Variants in RNF217 observed in about 807,000 individuals in gnomAD.
RNF217 encodes E3 ubiquitin-protein ligase RNF217.
Under a neutral mutation model 57.8 loss-of-function variants are expected in RNF217, and 31 were observed. The observed-to-expected ratio is 0.54, with a 90% CI of 0.40 to 0.72. RNF217 has a LOEUF of 0.72. Ranked by LOEUF, RNF217 falls within the 30% of genes least tolerant of loss-of-function variation. The probability of loss-of-function intolerance (pLI) is 0.00; values close to 1 mark genes in which losing one functional copy is unlikely to be tolerated. For missense variants in RNF217, 696 were observed against 708.3 expected (o/e 0.98, Z 0.20); for synonymous variants, 313 against 294.0 (o/e 1.06, Z -0.66).
In RNF217 at chr6:125,062,447, C is replaced by T. The variant is rs142734119; in HGVS notation, c.1281+4341C>T. Among the ~76,000 whole-genome samples the T allele has an allele frequency of 2.9e-3, 433 of 151,876 alleles. 3 individuals carry two copies. Among genetic ancestry groups the T allele is most frequent in the African/African-American group, 9.4e-3 (389 of 41,386 alleles). On this transcript the variant is annotated intron_variant, in intron 3 of 5. Coordinates refer to ENST00000521654, the MANE Select transcript of RNF217 (RefSeq NM_001286398.3). ...ACTTACAAGTATGATTTTTATAGTA[C>T]GATAAAAATATACAAACATATCTAG...
chr6:124,980,053 A>G (rs1784104911), intron 1 of RNF217, among the ~76,000 whole-genome samples: 1 of 152,174 alleles, frequency 6.6e-6, no homozygotes, highest in African/African-American at 2.4e-5. Context: ...TGCAGTTTTT[A>G]TCTTTCAAGC....
At chr6:124,987,220 T>C (rs1432704274) in intron 1 of RNF217, among the ~76,000 whole-genome samples, 1 of 152,248 alleles carries the variant, frequency 6.6e-6, no homozygotes, top group Non-Finnish European at 1.5e-5. Flanking sequence ...AAATTCCTTA[T>C]TGAAATATGT....
At chr6:125,030,901 A>G (rs1359182962) in intron 1 of RNF217, among the ~76,000 whole-genome samples, 2 of 152,342 alleles carry the variant, frequency 1.3e-5, no homozygotes, top group African/African-American at 2.4e-5. Flanking sequence ...GCACTGCCCT[A>G]GCAGAGGTTC....
chr6:125,089,251 C>T lies in RNF217; in HGVS notation c.*6314C>T, dbSNP rs556441723. On this transcript the variant is annotated 3_prime_UTR_variant, in exon 6 of 6. Coordinates refer to ENST00000521654, the MANE Select transcript of RNF217 (RefSeq NM_001286398.3). ...GTCTAAAACCAAGCTTCAGAAATTG[C>T]TTCGTGACTGTTGTAAGATCAATAT... 6.6e-6 allele frequency: 1 copy of T among 152,262 alleles called. No homozygotes were observed. Among genetic ancestry groups the T allele is most frequent in the Admixed American group, 6.5e-5 (1 of 15,274 alleles). 9.4% of individuals were successfully genotyped at this position (152,262 alleles called of 1,614,324 possible).
At chr6:125,080,713 A>C (rs1788544771) in intron 4 of RNF217, among the ~76,000 whole-genome samples, 1 of 152,072 alleles carries the variant, frequency 6.6e-6, no homozygotes, top group Admixed American at 6.6e-5. Flanking sequence ...TTATGGCTAG[A>C]GTTTATCATC....
chr6:125,051,306 G>A (rs1212278244), intron 2 of RNF217, among the ~76,000 whole-genome samples: 1 of 151,860 alleles, frequency 6.6e-6, no homozygotes, highest in African/African-American at 2.4e-5. Flanking sequence ...TTAGCACAAT[G>A]AACAAGTGAA....
At chr6:125,002,071 A>G (rs1219345842) in intron 1 of RNF217, among the ~76,000 whole-genome samples, 3 of 152,196 alleles carry the variant, frequency 2.0e-5, no homozygotes, top group African/African-American at 7.2e-5. Context: ...AATGGATGGT[A>G]TGCATTGAAT....
chr6:125,066,775 A>G (rs1787951658), intron 3 of RNF217, among the ~76,000 whole-genome samples: 1 of 152,188 alleles, frequency 6.6e-6, no homozygotes. Flanking sequence ...TACCTCTAGT[A>G]TTTAGAGCTG....
At chr6:125,006,990 T>C (rs1309110729) in intron 1 of RNF217, among the ~76,000 whole-genome samples, 1 of 152,236 alleles carries the variant, frequency 6.6e-6, no homozygotes, top group African/African-American at 2.4e-5. Context: ...TCTTTGTGTA[T>C]ATAGCTTTGT....
intron 1 of RNF217, among the ~76,000 whole-genome samples, chr6:124,964,314 T>G (rs79710943): frequency 6.6e-6 from 1 of 152,222 alleles, no homozygotes; most frequent in Non-Finnish European, 1.5e-5. Context: ...CCAACTCTTC[T>G]GTGAAGCGTT....
intron 1 of RNF217, among the ~76,000 whole-genome samples, chr6:124,993,440 G>A (rs1364098211): frequency 6.6e-6 from 1 of 152,078 alleles, no homozygotes; most frequent in African/African-American, 2.4e-5. Flanking sequence ...CTTTGGTTAG[G>A]TTTTCCTTTC....
chr6:125,090,905 A>G lies in RNF217; in HGVS notation c.*7968A>G, dbSNP rs899257960. Reference sequence around the variant, plus strand: ...ATAATCACAAAACTATGTGGAAGAAATCATTCTGATTATATTTTATGAAAG... The same window carrying G: ...ATAATCACAAAACTATGTGGAAGAAGTCATTCTGATTATATTTTATGAAAG... On this transcript the variant is annotated 3_prime_UTR_variant, in exon 6 of 6. Transcript: ENST00000521654. 1 of 152,030 alleles carries G rather than the reference A, an allele frequency of 6.6e-6. No homozygotes were observed. The highest frequency in any genetic ancestry group is 1.5e-5 in the Non-Finnish European group (1 of 67,894). The allele number at this position is 152,030 out of a possible 1,614,324, so 9.4% of individuals were successfully genotyped here.
At position 124,962,604 on chromosome 6, in the gene RNF217, G is replaced by T. The variant is rs1283136756; in HGVS notation, c.60G>T (p.Leu20=). The change falls in exon 1 of 6, where the codon CTG becomes CTT. Residue 20 remains leucine (L), a synonymous_variant. Coordinates refer to ENST00000521654, the MANE Select transcript of RNF217 (RefSeq NM_001286398.3). The surrounding 1 kb of genome is among the most constrained non-coding windows in gnomAD (Gnocchi z 4.6). Reference sequence around the variant, plus strand: ...GCGGGCCCCAGGAGTCGCAGACCCTGGCCAGTGGCACTGCGGGCCACCCTG... The same window carrying T: ...GCGGGCCCCAGGAGTCGCAGACCCTTGCCAGTGGCACTGCGGGCCACCCTG... ...GGGGPQESQT[L]ASGTAGHPEP... is the part of the protein sequence containing the mutation. 7.6e-7 allele frequency: 1 copy of T among 1,312,736 alleles called. No individual in the cohort carries two copies. The highest frequency in any genetic ancestry group is 9.6e-7 in the Non-Finnish European group (1 of 1,038,920). 81.3% of individuals were successfully genotyped at this position (1,312,736 alleles called of 1,614,324 possible). A position where few individuals can be genotyped will look rare whatever the true frequency, so the allele number is the denominator to read the frequency against.
intron 2 of RNF217, among the ~76,000 whole-genome samples, chr6:125,050,632 TA>T (rs1306664654): frequency 1.3e-5 from 2 of 151,978 alleles, no homozygotes; most frequent in East Asian, 3.9e-4. Context: ...CTGGTAAAGA[TA>T]ACTTGAGAAC....
intron 1 of RNF217, among the ~76,000 whole-genome samples, chr6:125,024,946 T>C (rs1445131026): frequency 6.6e-6 from 1 of 152,022 alleles, no homozygotes; most frequent in Non-Finnish European, 1.5e-5. Flanking sequence ...GAAGAGTAAC[T>C]AACCCTCAGA....
At chr6:125,029,681 A>T (rs1029317373) in intron 1 of RNF217, among the ~76,000 whole-genome samples, 2 of 152,188 alleles carry the variant, frequency 1.3e-5, no homozygotes, top group Admixed American at 6.5e-5. Flanking sequence ...TAGAACGTGC[A>T]TTTTTTAAAG....
intron 4 of RNF217, among the ~76,000 whole-genome samples, chr6:125,078,712 G>A (rs1447714049): frequency 6.6e-6 from 1 of 152,070 alleles, no homozygotes; most frequent in Non-Finnish European, 1.5e-5. Context: ...TGTCTTTTGT[G>A]TGTGCAGGCG....
chr6:125,065,861 G>A (rs369959340), intron 3 of RNF217, among the ~76,000 whole-genome samples: 2 of 152,276 alleles, frequency 1.3e-5, no homozygotes, highest in East Asian at 3.9e-4. Flanking sequence ...TTGGGGAACT[G>A]TGAGAAAAGC....
At chr6:125,008,110 G>C (rs1016772297) in intron 1 of RNF217, among the ~76,000 whole-genome samples, 1 of 152,002 alleles carries the variant, frequency 6.6e-6, no homozygotes, top group African/African-American at 2.4e-5. Context: ...CAAAAAATTA[G>C]CTGGGCCTGG....
Sources: gnomAD v4.1 joint callset for allele counts (sites outside exome capture counted in the v4.1 genomes callset) on GRCh38, gnomAD v4.1.1 for gene constraint, Gnocchi (gnomAD v3.1) non-coding constraint, MANE v1.5 for transcripts, NCBI Gene and HGNC (gene_info 2026-07-23, HGNC 2026-07-21) for gene names.